The following MME variants were observed in gnomAD, a reference collection of about 807,000 sequenced individuals.
MME encodes the protein neprilysin.
In MME, 98 loss-of-function variants were observed where a neutral mutation model predicts 113.2. That is an observed-to-expected ratio of 0.87 (90% CI 0.74 to 1.02). The LOEUF (loss-of-function observed/expected upper bound fraction) is 1.02, where lower values mean the gene tolerates loss of function less well. Ranked by LOEUF, MME falls within the 50% of genes least tolerant of loss-of-function variation. The pLI is 0.00. For missense variants in MME, 836 were observed against 896.0 expected (o/e 0.93, Z 0.86); for synonymous variants, 292 against 300.6 (o/e 0.97, Z 0.30).
Position 155,085,049 on chromosome 3 carries a change from C to A in MME, c.161-10C>A. The stretch of plus-strand genomic sequence containing the variant: ...TGCCAATATTTATGTATATTCTCTC[C>A]TTTTTCTAGATGGTATTTGCAAGTC... On this transcript the variant is annotated splice_polypyrimidine_tract_variant and intron_variant, in intron 2 of 22. Transcript: ENST00000360490. 6.3e-7 allele frequency: 1 copy of A among 1,577,020 alleles called. No individual in the cohort carries two copies.
intron 4 of MME, among the ~76,000 whole-genome samples, chr3:155,116,023 A>C (rs1449923488): frequency 6.6e-6 from 1 of 152,144 alleles, no homozygotes; most frequent in African/African-American, 2.4e-5. Flanking sequence ...GGACAATTCA[A>C]TTCATTCATT....
chr3:155,137,881 T>C (rs1720755280), intron 8 of MME, among the ~76,000 whole-genome samples: 1 of 152,208 alleles, frequency 6.6e-6, no homozygotes, highest in Non-Finnish European at 1.5e-5. Context: ...CTTAGTACTT[T>C]CAAAGTGATA....
chr3:155,142,453 G>T, intron 12 of MME, 123 bp downstream of exon 12: 1 of 747,262 alleles, frequency 1.3e-6, no homozygotes. Context: ...GCCAAAGTTC[G>T]TTATCTTGCA....
At chr3:155,103,798 A>C (rs552217895) in intron 3 of MME, among the ~76,000 whole-genome samples, 1 of 152,246 alleles carries the variant, frequency 6.6e-6, no homozygotes, top group East Asian at 1.9e-4. Flanking sequence ...GCTGTTCTTC[A>C]ACAACCACCA....
intron 3 of MME, among the ~76,000 whole-genome samples, chr3:155,085,902 A>G (rs1715674144): frequency 6.6e-6 from 1 of 152,220 alleles, no homozygotes; most frequent in African/African-American, 2.4e-5. Flanking sequence ...AATTCCAAAC[A>G]CAAAAGAAAG....
intron 22 of MME, 57 bp from the exon 23 acceptor site, chr3:155,180,303 T>A: frequency 8.3e-7 from 1 of 1,208,684 alleles, no homozygotes; most frequent in South Asian, 1.2e-5. Flanking sequence ...AGGGCTCCAG[T>A]GTGGTATGGA....
chr3:155,045,559 C>T (rs987658654), intron 1 of MME, among the ~76,000 whole-genome samples: 3 of 149,046 alleles, frequency 2.0e-5, no homozygotes, highest in African/African-American at 7.4e-5. Flanking sequence ...CGGAGATTCA[C>T]TCTGTCACCC....
chr3:155,168,720 C>G lies in MME; in HGVS notation c.1915-12C>G, dbSNP rs141681458. ...TTTTTTAACAATCCTAATAAAGTGT[C>G]TTTTTTAACAGCTTAATGGAATTAA... On this transcript the variant is annotated splice_polypyrimidine_tract_variant and intron_variant, in intron 19 of 22. Coordinates refer to ENST00000360490, the MANE Select transcript of MME (RefSeq NM_007289.4). 1,360 of 1,612,720 alleles carry G rather than the reference C, an allele frequency of 8.4e-4. 6 individuals carry two copies. The African/African-American group carries it at 0.014, about 17-fold the overall frequency.
intron 1 of MME, among the ~76,000 whole-genome samples, chr3:155,072,661 A>G (rs1714619827): frequency 6.6e-6 from 1 of 152,096 alleles, no homozygotes; most frequent in Non-Finnish European, 1.5e-5. Context: ...ACAGTTATCT[A>G]TCCATTCTCC....
Position 155,181,178 on chromosome 3 carries a change from G to T in MME, c.*719G>T, listed in dbSNP as rs1713049713. The T allele has an allele frequency of 6.6e-6, 1 of 151,788 alleles. No homozygotes were observed. Among genetic ancestry groups the T allele is most frequent in the Non-Finnish European group, 1.5e-5 (1 of 67,960 alleles). 9.4% of individuals were successfully genotyped at this position (151,788 alleles called of 1,614,324 possible). ...CTCTCAAAACTTGGTATTTTTCAGA[G>T]ATTTATATAAATGTAAAAATAATAA... On this transcript the variant is annotated 3_prime_UTR_variant, in exon 23 of 23. Transcript: ENST00000360490.
At chr3:155,114,968 A>G (rs772894060) in intron 3 of MME, 26 bp from the exon 4 acceptor site, 1 of 1,612,570 alleles carries the variant, frequency 6.2e-7, no homozygotes, top group Non-Finnish European at 8.5e-7. Flanking sequence ...CCATCATTTT[A>G]TCTAGTGTTT....
chr3:155,071,480 T>G (rs1436220494), intron 1 of MME, among the ~76,000 whole-genome samples: 1 of 152,256 alleles, frequency 6.6e-6, no homozygotes, highest in Non-Finnish European at 1.5e-5. Context: ...ATAGGGTATT[T>G]TTTCTTGAAT....
chr3:155,089,449 T>C (rs1453347938), intron 3 of MME, among the ~76,000 whole-genome samples: 2 of 152,224 alleles, frequency 1.3e-5, no homozygotes, highest in South Asian at 2.1e-4. Flanking sequence ...CTGTGTATTA[T>C]AGGATATTTA....
chr3:155,146,803 ACTT>A (rs1308610417), intron 14 of MME, among the ~76,000 whole-genome samples: 1 of 152,142 alleles, frequency 6.6e-6, no homozygotes, highest in African/African-American at 2.4e-5. Context: ...TGTAAATATT[ACTT>A]CTTCTAAAAA....
chr3:155,067,012 C>T (rs963728632), intron 1 of MME, among the ~76,000 whole-genome samples: 2 of 151,756 alleles, frequency 1.3e-5, no homozygotes, highest in Non-Finnish European at 2.9e-5. Flanking sequence ...TAGAACTCAC[C>T]GATTTAGAGA....
chr3:155,141,958 A>G, intron 10 of MME, 33 bp from the exon 11 acceptor site: 1 of 1,612,884 alleles, frequency 6.2e-7, no homozygotes. Flanking sequence ...GAAATCCACA[A>G]TTTCTGAATG....
chr3:155,082,150 A>G (rs1363754856), intron 1 of MME, among the ~76,000 whole-genome samples: 2 of 152,154 alleles, frequency 1.3e-5, no homozygotes, highest in African/African-American at 2.4e-5. Flanking sequence ...ACCACAAGGC[A>G]TGGAGTTTCC....
intron 17 of MME, among the ~76,000 whole-genome samples, chr3:155,163,147 G>C (rs1190444164): frequency 6.6e-6 from 1 of 151,650 alleles, no homozygotes; most frequent in Non-Finnish European, 1.5e-5. Context: ...AATTAGGGTT[G>C]GTATAGAGTA....
intron 3 of MME, 71 bp from the exon 4 acceptor site, chr3:155,114,923 C>T: frequency 6.7e-7 from 1 of 1,494,884 alleles, no homozygotes; most frequent in South Asian, 1.1e-5. Context: ...GAGCAATAAG[C>T]CTTTTTCTCC....
Sources: allele counts gnomAD v4.1 joint callset (sites outside exome capture counted in the v4.1 genomes callset), GRCh38; gene constraint gnomAD v4.1.1; transcripts MANE v1.5; gene names NCBI Gene and HGNC (gene_info 2026-07-23, HGNC 2026-07-21).